PATJ: variants seen among roughly 807,000 people sequenced by gnomAD.
PATJ encodes the protein PATJ crumbs cell polarity complex component.
PATJ carries 190 observed loss-of-function variants against 224.9 expected under a neutral mutation model. The observed-to-expected ratio is 0.84, with a 90% CI of 0.75 to 0.95. PATJ has a LOEUF of 0.95. Ranked by LOEUF, PATJ falls within the 40% of genes least tolerant of loss-of-function variation. The pLI, the probability that PATJ is intolerant of heterozygous loss-of-function variation, is 0.00. For missense variants in PATJ, 2,121 were observed against 2,270.3 expected (o/e 0.93, Z 1.34); for synonymous variants, 769 against 820.3 (o/e 0.94, Z 1.07).
intron 11 of PATJ, among the ~76,000 whole-genome samples, chr1:61,801,043 T>A (rs1184907542): frequency 6.6e-6 from 1 of 152,218 alleles, no homozygotes; most frequent in Non-Finnish European, 1.5e-5. Context: ...TAAACATACA[T>A]GTGCATGTGT....
At chr1:61,842,587 T>G (rs950633033) in intron 17 of PATJ, among the ~76,000 whole-genome samples, 2 of 152,018 alleles carry the variant, frequency 1.3e-5, no homozygotes, top group Non-Finnish European at 2.9e-5. Context: ...CTATAAATAT[T>G]AGTGTTTTTG....
At chr1:61,893,072 T>A (rs751974429) in intron 22 of PATJ, among the ~76,000 whole-genome samples, 1 of 152,176 alleles carries the variant, frequency 6.6e-6, no homozygotes, top group Non-Finnish European at 1.5e-5. Context: ...AAATTTAAAT[T>A]TGGGTTAAAA....
At chr1:61,990,406 A>T (rs747421485) in intron 28 of PATJ, 42 bp downstream of exon 28, 1 of 1,470,724 alleles carries the variant, frequency 6.8e-7, no homozygotes, top group East Asian at 2.3e-5. Context: ...GGTGAAGTGG[A>T]TGGGTGCAGT....
At chr1:62,060,144 A>G (rs1169856377) in intron 31 of PATJ, among the ~76,000 whole-genome samples, 1 of 152,188 alleles carries the variant, frequency 6.6e-6, no homozygotes, top group African/African-American at 2.4e-5. Context: ...CCTGGATTCT[A>G]TGCTTATTTG....
chr1:62,099,289 A>C (rs1217520111), intron 33 of PATJ, among the ~76,000 whole-genome samples: 1 of 150,316 alleles, frequency 6.7e-6, no homozygotes, highest in Non-Finnish European at 1.5e-5. Flanking sequence ...ACAGATCCAA[A>C]CCATAGTTTT....
rs867111708 is a variant in PATJ, at chr1:61,838,455, C to T, written c.2112+4670C>T. ...CTGCAAGCTCCACCTCCCGGGTTCA[C>T]GCCATTCTCCTGCCTCAGCCTCCTG... On this transcript the variant is annotated intron_variant, in intron 17 of 43. Transcript: ENST00000642238. 3.5e-4 allele frequency among the ~76,000 whole-genome samples: 53 copies of T among 151,468 alleles called. 1 individual carries two copies. The highest frequency in any genetic ancestry group is 1.1e-3 in the African/African-American group (46 of 41,270).
chr1:62,086,228 A>ATG lies in PATJ; in HGVS notation c.4377+1594_4377+1595dup, dbSNP rs145837024. Reference sequence around the variant, plus strand: ...TACTCAAGATGTGATTAATTAATGCATGTGTGTGTGTGTGTATGTGTGTGT... The same window carrying ATG: ...TACTCAAGATGTGATTAATTAATGCATGTGTGTGTGTGTGTGTATGTGTGTGT... On this transcript the variant is annotated intron_variant, in intron 33 of 43. Coordinates refer to ENST00000642238, the MANE Select transcript of PATJ (RefSeq NM_001350145.3). The surrounding 1 kb of genome is among the most constrained non-coding windows in gnomAD (Gnocchi z 4.0). 1.5e-4 allele frequency among the ~76,000 whole-genome samples: 22 copies of ATG among 150,336 alleles called. No homozygotes were observed. Among genetic ancestry groups the ATG allele is most frequent in the East Asian group, 7.8e-4 (4 of 5,158 alleles).
chr1:61,761,773 C>T (rs977920872), intron 1 of PATJ, among the ~76,000 whole-genome samples: 2 of 151,766 alleles, frequency 1.3e-5, no homozygotes, highest in Non-Finnish European at 2.9e-5. Context: ...GCAGCCTCAA[C>T]CTCTTGGGCT....
intron 30 of PATJ, chr1:62,038,914 G>T: frequency 1.0e-6 from 1 of 973,808 alleles, no homozygotes; most frequent in South Asian, 1.3e-5. Context: ...CCTGTGCACA[G>T]ATTCACTTAA....
In PATJ at chr1:61,780,168, T is replaced by C. The variant is rs570527748; in HGVS notation, c.849+4834T>C. Among the ~76,000 whole-genome samples, 195 of 152,134 alleles carry C rather than the reference T, an allele frequency of 1.3e-3. 1 individual carries two copies. Among genetic ancestry groups the C allele is most frequent in the Admixed American group, 2.2e-3 (34 of 15,290 alleles). On this transcript the variant is annotated intron_variant, in intron 7 of 43. Transcript: ENST00000642238. ...TGAGAATGTTCATTTTATAGACCTT[T>C]AAAACACATCTGTGGCTGGGTGCAG...
At chr1:62,029,353 G>C (rs1434355019) in intron 29 of PATJ, among the ~76,000 whole-genome samples, 1 of 152,044 alleles carries the variant, frequency 6.6e-6, no homozygotes, top group African/African-American at 2.4e-5. Flanking sequence ...TGTCATCATG[G>C]GCTTGTTGTG....
At chr1:62,127,912 G>C in intron 39 of PATJ, 60 bp from the exon 40 acceptor site, 5 of 1,577,160 alleles carry the variant, frequency 3.2e-6, no homozygotes, top group Non-Finnish European at 4.3e-6. Flanking sequence ...TCTATCTAGG[G>C]ATAGTCAGTT....
chr1:61,753,516 A>AT (rs11300369), intron 1 of PATJ, among the ~76,000 whole-genome samples: 10 of 138,368 alleles, frequency 7.2e-5, no homozygotes, highest in African/African-American at 1.8e-4. Flanking sequence ...TCTATTACAT[A>AT]TTTTTTTTTT....
intron 43 of PATJ, among the ~76,000 whole-genome samples, chr1:62,158,719 TCAAAAAAAAAA>T (rs1485178889): frequency 3.6e-5 from 1 of 27,944 alleles, no homozygotes; most frequent in East Asian, 1.8e-3. Context: ...AGACTCTGTC[TCAAAAAAAAAA>T]CAAAAAAAAA....
At chr1:61,775,180 G>A (rs376196159) in intron 6 of PATJ, 26 bp from the exon 7 acceptor site, 15 of 1,598,344 alleles carry the variant, frequency 9.4e-6, no homozygotes, top group African/African-American at 1.3e-5. Flanking sequence ...CTGATACTGC[G>A]ACTCTTATTT....
intron 11 of PATJ, among the ~76,000 whole-genome samples, chr1:61,798,698 C>G (rs1651841253): frequency 6.6e-6 from 1 of 151,624 alleles, no homozygotes; most frequent in African/African-American, 2.4e-5. Flanking sequence ...TTAAGACCAG[C>G]CTGGCCAACA....
chr1:61,872,771 C>G (rs750370147), intron 20 of PATJ, among the ~76,000 whole-genome samples: 2 of 152,196 alleles, frequency 1.3e-5, no homozygotes, highest in African/African-American at 2.4e-5. Context: ...TCAGTCCTCT[C>G]TTGCTGAAGC....
At chr1:62,088,845 C>CATAT (rs200329630) in intron 33 of PATJ, among the ~76,000 whole-genome samples, 7 of 146,146 alleles carry the variant, frequency 4.8e-5, no homozygotes, top group Admixed American at 2.1e-4. Flanking sequence ...ATATATAGAA[C>CATAT]ATATATATAT....
At position 61,976,162 on chromosome 1, in the gene PATJ, G is replaced by A. The variant is rs192458075; in HGVS notation, c.3671-14006G>A. On this transcript the variant is annotated intron_variant, in intron 27 of 43. Coordinates refer to ENST00000642238, the MANE Select transcript of PATJ (RefSeq NM_001350145.3). ...AATTGTCGATTCCAAAAGGGCTGAG[G>A]AAGGTTTTAGGCTTTCCTTCTGCTA... 3.1e-3 allele frequency among the ~76,000 whole-genome samples: 479 copies of A among 152,094 alleles called. 5 individuals are homozygous for A. The highest frequency in any genetic ancestry group is 0.011 in the African/African-American group (466 of 41,372).
Sources: gnomAD v4.1 joint callset for allele counts (sites outside exome capture counted in the v4.1 genomes callset) on GRCh38, gnomAD v4.1.1 for gene constraint, Gnocchi (gnomAD v3.1) non-coding constraint, MANE v1.5 for transcripts, NCBI Gene and HGNC (gene_info 2026-07-23, HGNC 2026-07-21) for gene names.